Variants in PDGFRL observed in about 807,000 individuals in gnomAD.
PDGFRL encodes platelet-derived growth factor receptor-like protein.
A neutral mutation model predicts 37.2 loss-of-function variants in PDGFRL; 46 were observed. The ratio of observed to expected loss-of-function variants is 1.24; its 90% CI spans 0.98 to 1.58. The LOEUF is 1.58. PDGFRL is among the 40% of genes most tolerant of loss of function. The probability of loss-of-function intolerance (pLI) is 0.00; values close to 1 mark genes in which losing one functional copy is unlikely to be tolerated. For synonymous variants in PDGFRL, 251 were observed against 184.3 expected, an observed-to-expected ratio of 1.36 and a Z score of -2.93; for missense variants, 692 against 467.6, an observed-to-expected ratio of 1.48 and a Z score of -4.43.
intron 2 of PDGFRL, among the ~76,000 whole-genome samples, chr8:17,591,648 G>T (rs1298317645): frequency 6.6e-6 from 1 of 152,220 alleles, no homozygotes; most frequent in African/African-American, 2.4e-5. Context: ...GGGCACGGTG[G>T]CTCACGCCTG....
chr8:17,636,015 T>C lies in PDGFRL; in HGVS notation c.939+1802T>C, dbSNP rs537775895. 9.2e-5 allele frequency among the ~76,000 whole-genome samples: 14 copies of C among 152,364 alleles called. No individual in the cohort carries two copies. In the East Asian group the frequency reaches 1.7e-3, roughly 19 times the overall value. On this transcript the variant is annotated intron_variant, in intron 5 of 5. Transcript: ENST00000251630. ...TGAGTTCCTTGTAGATTCTGGGTGTTAGTCCTTTTTCAGATGTATGGATTG... is the reference window on the plus strand; with the variant it reads ...TGAGTTCCTTGTAGATTCTGGGTGTCAGTCCTTTTTCAGATGTATGGATTG...
chr8:17,579,400 C>T (rs532205080), intron 1 of PDGFRL, among the ~76,000 whole-genome samples: 3 of 152,128 alleles, frequency 2.0e-5, no homozygotes, highest in Admixed American at 6.5e-5. Flanking sequence ...CCTTCCAGTG[C>T]TGGTCTCAGA....
intron 4 of PDGFRL, among the ~76,000 whole-genome samples, chr8:17,631,988 G>A (rs142830482): frequency 2.8e-4 from 42 of 152,268 alleles, no homozygotes; most frequent in Middle Eastern, 3.4e-3. Flanking sequence ...CGTGTCCGCC[G>A]TCCACCTCAG....
At chr8:17,609,023 A>C (rs936702633) in intron 2 of PDGFRL, among the ~76,000 whole-genome samples, 1 of 152,184 alleles carries the variant, frequency 6.6e-6, no homozygotes, top group Non-Finnish European at 1.5e-5. Flanking sequence ...GTTTGAGACC[A>C]GCCTGAGCAA....
At chr8:17,604,192 C>G (rs1056598960) in intron 2 of PDGFRL, among the ~76,000 whole-genome samples, 1 of 152,114 alleles carries the variant, frequency 6.6e-6, no homozygotes, top group Non-Finnish European at 1.5e-5. Flanking sequence ...CCTCAGGGAT[C>G]TAGAACTAGA....
chr8:17,642,607 A>T lies in PDGFRL; in HGVS notation c.940-6A>T. 1.9e-6 allele frequency: 3 copies of T among 1,590,650 alleles called. No homozygotes were observed. Among genetic ancestry groups the T allele is most frequent in the Non-Finnish European group, 1.7e-6 (2 of 1,158,820 alleles). On this transcript the variant is annotated splice_polypyrimidine_tract_variant and splice_region_variant and intron_variant, in intron 5 of 5. Transcript: ENST00000251630. Reference sequence around the variant, plus strand: ...TGCTTCAGTCTTTGTGGGTGTCGTTAAACAGGATGAAAGGCCTGTGACGAT... The same window carrying T: ...TGCTTCAGTCTTTGTGGGTGTCGTTTAACAGGATGAAAGGCCTGTGACGAT...
intron 1 of PDGFRL, among the ~76,000 whole-genome samples, chr8:17,583,259 G>A (rs1442355179): frequency 6.6e-6 from 1 of 152,118 alleles, no homozygotes; most frequent in Non-Finnish European, 1.5e-5. Context: ...ATGGGAACAG[G>A]GCTCATGTGG....
intron 2 of PDGFRL, among the ~76,000 whole-genome samples, chr8:17,591,434 T>G (rs919229045): frequency 1.3e-5 from 2 of 152,200 alleles, no homozygotes; most frequent in Non-Finnish European, 1.5e-5. Flanking sequence ...TACAGTCCTG[T>G]GCACCTTGGT....
At chr8:17,581,966 C>T (rs141991117) in intron 1 of PDGFRL, among the ~76,000 whole-genome samples, 191 of 152,074 alleles carry the variant, frequency 1.3e-3, no homozygotes, top group African/African-American at 4.3e-3. Flanking sequence ...GGCAGAGAAT[C>T]GGAAGAGTTT....
At position 17,590,913 on chromosome 8, in the gene PDGFRL, C is replaced by T. The variant is rs138437633; in HGVS notation, c.353+1148C>T. ...ATTTTTTTTTTTTGAGACGGAGTCT[C>T]GCTCTGTCCCACAGGTTGGAGTGCA... On this transcript the variant is annotated intron_variant, in intron 2 of 5. Transcript: ENST00000251630. 4.5e-3 allele frequency among the ~76,000 whole-genome samples: 606 copies of T among 133,552 alleles called. 2 individuals are homozygous for T. The highest frequency in any genetic ancestry group is 0.016 in the African/African-American group (578 of 36,448). The allele number at this position is 133,552 out of a possible 152,430, so 87.6% of individuals were successfully genotyped here.
At chr8:17,601,504 G>C (rs569948401) in intron 2 of PDGFRL, among the ~76,000 whole-genome samples, 1 of 150,942 alleles carries the variant, frequency 6.6e-6, no homozygotes, top group East Asian at 2.0e-4. Flanking sequence ...GTGTATATGT[G>C]CAGGTTTGTT....
intron 1 of PDGFRL, among the ~76,000 whole-genome samples, chr8:17,585,411 G>A (rs190523450): frequency 6.6e-6 from 1 of 152,206 alleles, no homozygotes; most frequent in African/African-American, 2.4e-5. Context: ...TTGGAGTGGG[G>A]TTCTCGAAAG....
At chr8:17,577,102 C>A (rs1803600424), upstream of PDGFRL, 19 of 814,294 alleles carry the variant, frequency 2.3e-5, no homozygotes, top group Admixed American at 5.7e-5. Flanking sequence ...AAAAATTCCC[C>A]AACTTTTTCC....
At chr8:17,614,641 C>T (rs536080304) in intron 2 of PDGFRL, among the ~76,000 whole-genome samples, 22 of 152,194 alleles carry the variant, frequency 1.4e-4, no homozygotes, top group Admixed American at 3.3e-4. Flanking sequence ...TGTAGTGGCA[C>T]AATCCTAGGT....
intron 2 of PDGFRL, among the ~76,000 whole-genome samples, chr8:17,613,975 T>G (rs763104924): frequency 4.6e-5 from 7 of 152,132 alleles, no homozygotes; most frequent in Non-Finnish European, 1.0e-4. Context: ...GTTGTTGAGG[T>G]GGAAATATTG....
chr8:17,600,184 T>G (rs73198161), intron 2 of PDGFRL, among the ~76,000 whole-genome samples: 36,747 of 152,010 alleles, frequency 0.24, 5,021 homozygotes, highest in African/African-American at 0.35. Context: ...CATGCATTTT[T>G]TCACCAAGGT....
At chr8:17,583,193 C>CT (rs1484153527) in intron 1 of PDGFRL, among the ~76,000 whole-genome samples, 1 of 152,140 alleles carries the variant, frequency 6.6e-6, no homozygotes, top group East Asian at 1.9e-4. Context: ...CAGAAGCCTG[C>CT]TACAGGGGCA....
upstream of PDGFRL, among the ~76,000 whole-genome samples, chr8:17,576,972 G>A (rs1045783396): frequency 6.6e-6 from 1 of 151,310 alleles, no homozygotes; most frequent in African/African-American, 2.4e-5. Context: ...TTCAAGGAAT[G>A]GCTGTTGTAA....
chr8:17,627,761 C>G (rs920996133), intron 3 of PDGFRL, among the ~76,000 whole-genome samples: 1 of 152,058 alleles, frequency 6.6e-6, no homozygotes, highest in African/African-American at 2.4e-5. Context: ...CAGGCATGAG[C>G]CACCACGCCT....
Sources: gnomAD v4.1 joint callset for allele counts (sites outside exome capture counted in the v4.1 genomes callset) on GRCh38, gnomAD v4.1.1 for gene constraint, MANE v1.5 for transcripts, NCBI Gene and HGNC (gene_info 2026-07-23, HGNC 2026-07-21) for gene names.